Variants in SLC4A10 observed in about 807,000 individuals in gnomAD.
SLC4A10 encodes sodium-driven chloride bicarbonate exchanger.
In SLC4A10, 42 loss-of-function variants were observed where a neutral mutation model predicts 137.7. The observed-to-expected ratio is 0.30, with a 90% CI of 0.24 to 0.39. SLC4A10 has a LOEUF of 0.39. Ranked by LOEUF, SLC4A10 falls within the 10% of genes least tolerant of loss-of-function variation. SLC4A10 has a pLI of 1.00. For missense variants in SLC4A10, 925 were observed against 1,355.0 expected, an observed-to-expected ratio of 0.68 and a Z score of 4.98; for synonymous variants, 474 against 464.1, an observed-to-expected ratio of 1.02 and a Z score of -0.27.
At chr2:161,902,155 A>C in intron 12 of SLC4A10, 1 of 451,698 alleles carries the variant, frequency 2.2e-6, no homozygotes. Context: ...CTGCTCTTGC[A>C]CTGTTCTCTG....
intron 1 of SLC4A10, among the ~76,000 whole-genome samples, chr2:161,670,303 T>TC (rs2039546111): frequency 1.3e-5 from 2 of 150,730 alleles, no homozygotes; most frequent in South Asian, 4.2e-4. Context: ...TTCATCTTCT[T>TC]TTTTTTTTTC....
chr2:161,793,702 TC>T (rs1196922850), intron 2 of SLC4A10, among the ~76,000 whole-genome samples: 6 of 152,184 alleles, frequency 3.9e-5, no homozygotes, highest in Non-Finnish European at 5.9e-5. Flanking sequence ...AATTTTAATT[TC>T]CTGCTGGTAC....
At chr2:161,774,527 A>T (rs528120060) in intron 2 of SLC4A10, among the ~76,000 whole-genome samples, 113 of 151,868 alleles carry the variant, frequency 7.4e-4, no homozygotes, top group African/African-American at 2.6e-3. Context: ...GCTTATACCT[A>T]CGTTCCTCCC....
intron 15 of SLC4A10, among the ~76,000 whole-genome samples, chr2:161,932,121 G>A (rs1690509521): frequency 6.6e-6 from 1 of 152,066 alleles, no homozygotes; most frequent in Admixed American, 6.6e-5. Flanking sequence ...CTGAGATAAA[G>A]TAACAGAGAA....
chr2:161,836,560 GAAA>G, intron 3 of SLC4A10, among the ~76,000 whole-genome samples: 5 of 95,780 alleles, frequency 5.2e-5, no homozygotes, highest in African/African-American at 2.0e-4. Flanking sequence ...AAGAAAGAAA[GAAA>G]GAAAGAAAGA....
intron 1 of SLC4A10, among the ~76,000 whole-genome samples, chr2:161,626,104 G>A (rs1455229020): frequency 5.3e-5 from 8 of 152,120 alleles, no homozygotes; most frequent in Non-Finnish European, 1.2e-4. Context: ...CTGGATGAGA[G>A]ACGGGAACTA....
chr2:161,954,963 G>T (rs1300631954), intron 19 of SLC4A10, among the ~76,000 whole-genome samples: 1 of 152,128 alleles, frequency 6.6e-6, no homozygotes, highest in Non-Finnish European at 1.5e-5. Context: ...AAGTCCAGGT[G>T]TGCTAAAAAG....
At chr2:161,760,611 T>C (rs1470484501) in intron 1 of SLC4A10, among the ~76,000 whole-genome samples, 1 of 152,006 alleles carries the variant, frequency 6.6e-6, no homozygotes, top group Non-Finnish European at 1.5e-5. Context: ...CTATCACTTT[T>C]CCCCCTTGTC....
chr2:161,653,352 T>A (rs553836611), intron 1 of SLC4A10, among the ~76,000 whole-genome samples: 39 of 152,346 alleles, frequency 2.6e-4, no homozygotes, highest in African/African-American at 9.1e-4. Context: ...TATAATCCTT[T>A]GGGTATATAC....
At chr2:161,891,085 T>C (rs1392260474) in intron 10 of SLC4A10, among the ~76,000 whole-genome samples, 2 of 152,180 alleles carry the variant, frequency 1.3e-5, no homozygotes, top group East Asian at 3.9e-4. Flanking sequence ...AAATTCTGGG[T>C]TGAAATTTCT....
At chr2:161,746,706 G>T (rs12467613) in intron 1 of SLC4A10, among the ~76,000 whole-genome samples, 12,363 of 152,086 alleles carry the variant, frequency 0.081, 643 homozygotes, top group East Asian at 0.14. Flanking sequence ...CCTGAAGCTA[G>T]CATGGTACTG....
chr2:161,915,678 A>G (rs1180481017), intron 15 of SLC4A10, among the ~76,000 whole-genome samples: 1 of 152,188 alleles, frequency 6.6e-6, no homozygotes, highest in Non-Finnish European at 1.5e-5. Flanking sequence ...CTCTAAAGCA[A>G]CCAGCCAGTT....
intron 10 of SLC4A10, among the ~76,000 whole-genome samples, chr2:161,888,886 G>A (rs2062610516): frequency 6.6e-6 from 1 of 152,132 alleles, no homozygotes; most frequent in Non-Finnish European, 1.5e-5. Context: ...AATGCTTCCA[G>A]CTTTTGCCTA....
intron 8 of SLC4A10, among the ~76,000 whole-genome samples, chr2:161,877,046 AT>A (rs2061487082): frequency 6.6e-6 from 1 of 152,042 alleles, no homozygotes; most frequent in African/African-American, 2.4e-5. Context: ...TATTTTGTAA[AT>A]TTAAAGATCA....
At chr2:161,769,161 C>T (rs2051258350) in intron 1 of SLC4A10, among the ~76,000 whole-genome samples, 1 of 151,910 alleles carries the variant, frequency 6.6e-6, no homozygotes, top group Admixed American at 6.6e-5. Context: ...CTGTTAGAGC[C>T]CTTTCTAACC....
chr2:161,774,795 C>T (rs912368481), intron 2 of SLC4A10, among the ~76,000 whole-genome samples: 1 of 151,890 alleles, frequency 6.6e-6, no homozygotes, highest in Non-Finnish European at 1.5e-5. Context: ...ACAAATTCTG[C>T]TCCCCATAAT....
chr2:161,880,851 C>T (rs895737491), intron 9 of SLC4A10, among the ~76,000 whole-genome samples: 3 of 151,886 alleles, frequency 2.0e-5, no homozygotes, highest in Non-Finnish European at 4.4e-5. Context: ...TGGCTATTTA[C>T]GACAATGATA....
At chr2:161,877,174 G>A (rs990158809) in intron 8 of SLC4A10, among the ~76,000 whole-genome samples, 2 of 151,816 alleles carry the variant, frequency 1.3e-5, no homozygotes, top group East Asian at 1.9e-4. Context: ...CCAGTTGCCC[G>A]AGGCACAGAC....
chr2:161,981,232 C>A (rs1330575701), intron 26 of SLC4A10, among the ~76,000 whole-genome samples: 1 of 152,220 alleles, frequency 6.6e-6, no homozygotes, highest in East Asian at 1.9e-4. Flanking sequence ...TTATGGAACA[C>A]CTCCCACGTT....
Sources: gnomAD v4.1 joint callset for allele counts (sites outside exome capture counted in the v4.1 genomes callset) on GRCh38, gnomAD v4.1.1 for gene constraint, MANE v1.5 for transcripts, NCBI Gene and HGNC (gene_info 2026-07-23, HGNC 2026-07-21) for gene names.